Variants in TMPRSS4 observed in about 807,000 individuals in gnomAD.
The protein encoded by TMPRSS4 is transmembrane protease serine 4.
In TMPRSS4, 45 loss-of-function variants were observed where a neutral mutation model predicts 56.4. The observed-to-expected ratio is 0.80, with a 90% confidence interval of 0.63 to 1.02. TMPRSS4 has a LOEUF of 1.02. Among genes scored for constraint, TMPRSS4 ranks in the 50% least tolerant of loss-of-function variants. The pLI is 0.00. For synonymous variants in TMPRSS4, 205 were observed against 211.0 expected (o/e 0.97, Z 0.25); for missense variants, 546 against 556.7 (o/e 0.98, Z 0.19).
At chr11:118,102,900 G>T in intron 3 of TMPRSS4, 1 of 621,636 alleles carries the variant, frequency 1.6e-6, no homozygotes, top group Non-Finnish European at 2.8e-6. Flanking sequence ...GTGGGGGTGG[G>T]GCCGGTGTTA....
chr11:118,077,211 G>A lies in TMPRSS4; in HGVS notation c.-92G>A. The A allele has an allele frequency of 6.5e-7, 1 of 1,530,248 alleles. No homozygotes were observed. The highest frequency in any genetic ancestry group is 8.9e-7 in the Non-Finnish European group (1 of 1,127,830). The allele number at this position is 1,530,248 out of a possible 1,614,324, so 94.8% of individuals were successfully genotyped here. On this transcript the variant is annotated 5_prime_UTR_variant, in exon 1 of 13. Transcript: ENST00000437212. ...CCAGGGACTTCTGACCTGCTGGCCA[G>A]CCAGGACCTGTGTGGGGAGGCCCTC...
chr11:118,115,469 G>GTGGA (rs1488714070), intron 11 of TMPRSS4, 189 bp downstream of exon 11: 7 of 631,454 alleles, frequency 1.1e-5, no homozygotes, highest in Non-Finnish European at 2.7e-6. Flanking sequence ...AGATGAGTGG[G>GTGGA]TGGATGGATG....
chr11:118,102,965 AC>A, intron 3 of TMPRSS4, 135 bp from the exon 4 acceptor site: 1 of 1,192,742 alleles, frequency 8.4e-7, no homozygotes, highest in Middle Eastern at 2.0e-4. Context: ...TCTGTGTGCT[AC>A]CAAGTAGCAA....
intron 6 of TMPRSS4, 60 bp downstream of exon 6, chr11:118,107,935 G>C (rs896601364): frequency 1.7e-5 from 25 of 1,454,878 alleles, no homozygotes; most frequent in Non-Finnish European, 2.3e-5. Flanking sequence ...TGCTCTTCAG[G>C]TTGCAACCAG....
intron 1 of TMPRSS4, chr11:118,088,093 T>A (rs1486160530): frequency 6.6e-6 from 1 of 152,142 alleles, no homozygotes; most frequent in Admixed American, 6.5e-5. Flanking sequence ...GGAGGAGTGA[T>A]TCAAAAGGAC....
At chr11:118,098,893 C>A in intron 2 of TMPRSS4, 92 bp from the exon 3 acceptor site, 1 of 996,796 alleles carries the variant, frequency 1.0e-6, no homozygotes, top group Non-Finnish European at 1.5e-6. Context: ...ATACCTGTCA[C>A]CGGCCAGAAG....
In TMPRSS4 at chr11:118,103,106, G is replaced by A; in HGVS notation, c.163G>A (p.Val55Met). 1 of 1,614,100 alleles carries A rather than the reference G, an allele frequency of 6.2e-7. No individual in the cohort carries two copies. The highest frequency in any genetic ancestry group is 8.5e-7 in the Non-Finnish European group (1 of 1,180,014). Residue 55 changes from valine (V) to methionine (M), a missense_variant, in exon 4 of 13, where the codon GTG becomes ATG. Coordinates refer to ENST00000437212, the MANE Select transcript of TMPRSS4 (RefSeq NM_019894.4). ...TCCCTGCACTTGCCTTCCAGTCAAG[G>A]TGATTCTGGATAAATACTACTTCCT... ...SIIIVVVLIK[V>M]ILDKYYFLCG...
chr11:118,108,505 C>G, intron 6 of TMPRSS4: 1 of 269,340 alleles, frequency 3.7e-6, no homozygotes, highest in Non-Finnish European at 6.9e-6. Context: ...ACCTAAAATT[C>G]TATCAAAATC....
chr11:118,086,770 CAA>C (rs1399841829), intron 1 of TMPRSS4: 2 of 152,866 alleles, frequency 1.3e-5, no homozygotes, highest in African/African-American at 4.8e-5. Context: ...CTGAGACATC[CAA>C]GAGAGAGAGC....
intron 8 of TMPRSS4, among the ~76,000 whole-genome samples, chr11:118,113,027 C>A (rs1301120358): frequency 2.0e-5 from 3 of 152,020 alleles, no homozygotes; most frequent in African/African-American, 4.8e-5. Flanking sequence ...CCTTCCCCAG[C>A]CCTCCTTGAG....
chr11:118,123,819 C>T (rs916301515), downstream of TMPRSS4, among the ~76,000 whole-genome samples: 3 of 152,008 alleles, frequency 2.0e-5, no homozygotes, highest in African/African-American at 4.8e-5. Flanking sequence ...CCACCGTGCC[C>T]GGCCAATTAC....
In TMPRSS4 at chr11:118,118,707, T is replaced by G; in HGVS notation, c.*794T>G. 1 of 958,800 alleles carries G rather than the reference T, an allele frequency of 1.0e-6. No homozygotes were observed. The highest frequency in any genetic ancestry group is 1.2e-6 in the Non-Finnish European group (1 of 817,530). The allele number at this position is 958,800 out of a possible 1,614,324, so 59.4% of individuals were successfully genotyped here. A position where few individuals can be genotyped will look rare whatever the true frequency, so the allele number is the denominator to read the frequency against. Reference sequence around the variant, plus strand: ...GCCTCTTTCCCTCCCTCCCTGCCTGTGATAATCAGCCAGGAGCCAGGGATA... The same window carrying G: ...GCCTCTTTCCCTCCCTCCCTGCCTGGGATAATCAGCCAGGAGCCAGGGATA... On this transcript the variant is annotated 3_prime_UTR_variant, in exon 13 of 13. Transcript: ENST00000437212.
chr11:118,100,492 G>T (rs2135393311), intron 3 of TMPRSS4, among the ~76,000 whole-genome samples: 1 of 152,344 alleles, frequency 6.6e-6, no homozygotes, highest in South Asian at 2.1e-4. Context: ...GGACAAAGCT[G>T]CGACAGAACC....
Position 118,114,943 on chromosome 11 carries a change from A to G in TMPRSS4, c.1009+16A>G, listed in dbSNP as rs759511753. 2 of 1,587,396 alleles carry G rather than the reference A, an allele frequency of 1.3e-6. No individual in the cohort carries two copies. Among genetic ancestry groups the G allele is most frequent in the Non-Finnish European group, 1.7e-6 (2 of 1,165,520 alleles). On this transcript the variant is annotated intron_variant, in intron 10 of 12. Transcript: ENST00000437212. ...CAGAATGGAGGTAAGTCCTGGGTGC[A>G]GGACCACAGGGCAGGAGATGCCCTT...
chr11:118,092,370 G>T (rs191230154), intron 1 of TMPRSS4, among the ~76,000 whole-genome samples: 98 of 152,354 alleles, frequency 6.4e-4, no homozygotes, highest in Non-Finnish European at 8.2e-4. Context: ...AACTTGGTGG[G>T]TGGGGGGAAG....
Position 118,098,981 on chromosome 11 carries a change from G to C in TMPRSS4, c.44-4G>C. The C allele has an allele frequency of 6.2e-7, 1 of 1,610,138 alleles. No homozygotes were observed. The highest frequency in any genetic ancestry group is 8.5e-7 in the Non-Finnish European group (1 of 1,177,412). ...CTTCCCCTCTGCCTCCCATTTTCTT[G>C]CAGATGTCAAACCCCTGCGCAAACC... On this transcript the variant is annotated splice_polypyrimidine_tract_variant and splice_region_variant and intron_variant, in intron 2 of 12. Transcript: ENST00000437212.
At chr11:118,112,717 C>T (rs948981550) in intron 8 of TMPRSS4, among the ~76,000 whole-genome samples, 5 of 151,852 alleles carry the variant, frequency 3.3e-5, no homozygotes, top group Admixed American at 6.6e-5. Flanking sequence ...CATTCAATAT[C>T]TAATGAGCAC....
At chr11:118,116,993 G>A (rs1287999538) in intron 11 of TMPRSS4, among the ~76,000 whole-genome samples, 1 of 152,082 alleles carries the variant, frequency 6.6e-6, no homozygotes, top group East Asian at 1.9e-4. Context: ...TTACAGGTGT[G>A]AGCCACCGCT....
At position 118,107,894 on chromosome 11, in the gene TMPRSS4, T is replaced by A. The variant is rs748064103; in HGVS notation, c.542+19T>A. 6.2e-7 allele frequency: 1 copy of A among 1,610,158 alleles called. No individual in the cohort carries two copies. Among genetic ancestry groups the A allele is most frequent in the Non-Finnish European group, 8.5e-7 (1 of 1,177,356 alleles). ...CAAGTGGGTAAGTGAGGGGACACCT[T>A]CTGGCCTACAGAAGGCCCCCACATG... On this transcript the variant is annotated intron_variant, in intron 6 of 12. Coordinates refer to ENST00000437212, the MANE Select transcript of TMPRSS4 (RefSeq NM_019894.4).
Sources: allele counts gnomAD v4.1 joint callset (sites outside exome capture counted in the v4.1 genomes callset), GRCh38; gene constraint gnomAD v4.1.1; transcripts MANE v1.5; gene names NCBI Gene and HGNC (gene_info 2026-07-23, HGNC 2026-07-21).